IL23R: variants seen among roughly 807,000 people sequenced by gnomAD.
The protein encoded by IL23R is interleukin-23 receptor.
A neutral mutation model predicts 56.9 loss-of-function variants in IL23R; 34 were observed. The ratio of observed to expected loss-of-function variants is 0.60; its 90% CI spans 0.45 to 0.80. The LOEUF (loss-of-function observed/expected upper bound fraction) is 0.80. Among genes scored for constraint, IL23R ranks in the 30% least tolerant of loss-of-function variants. IL23R has a pLI of 0.00. For missense variants in IL23R, 635 were observed against 730.0 expected (o/e 0.87, Z 1.50); for synonymous variants, 230 against 249.2 (o/e 0.92, Z 0.73).
At chr1:67,153,201 T>C (rs894717476) in intron 1 of IL23R, among the ~76,000 whole-genome samples, 1 of 152,204 alleles carries the variant, frequency 6.6e-6, no homozygotes, top group African/African-American at 2.4e-5. Flanking sequence ...AAGAAATGTA[T>C]CCATTTCTTC....
At chr1:67,166,147 C>A (rs1646871600), upstream of IL23R, among the ~76,000 whole-genome samples, 1 of 152,046 alleles carries the variant, frequency 6.6e-6, no homozygotes, top group African/African-American at 2.4e-5. Flanking sequence ...TAATTAATAA[C>A]AATGCTGGTT....
At chr1:67,165,292 T>C (rs1189129735), upstream of IL23R, among the ~76,000 whole-genome samples, 1 of 152,092 alleles carries the variant, frequency 6.6e-6, no homozygotes, top group Non-Finnish European at 1.5e-5. Flanking sequence ...GTGCCTATGA[T>C]AAAAAGACAA....
At chr1:67,149,741 C>A (rs1479466919) in intron 1 of IL23R, among the ~76,000 whole-genome samples, 1 of 151,996 alleles carries the variant, frequency 6.6e-6, no homozygotes, top group Non-Finnish European at 1.5e-5. Context: ...AAATTAAATC[C>A]GTAAGTTGAA....
intron 3 of IL23R, among the ~76,000 whole-genome samples, chr1:67,175,159 T>C (rs1444723205): frequency 2.6e-5 from 4 of 151,962 alleles, no homozygotes; most frequent in Admixed American, 6.6e-5. Flanking sequence ...GGGATGTCAG[T>C]TCTCAAGAGG....
intron 7 of IL23R, among the ~76,000 whole-genome samples, chr1:67,224,854 G>A (rs1005811675): frequency 1.3e-5 from 2 of 152,192 alleles, no homozygotes; most frequent in African/African-American, 4.8e-5. Flanking sequence ...TTTATTGGAT[G>A]CTTACTAAGT....
chr1:67,190,087 C>T (rs759937366), intron 4 of IL23R, among the ~76,000 whole-genome samples: 32 of 152,154 alleles, frequency 2.1e-4, no homozygotes, highest in Non-Finnish European at 2.5e-4. Flanking sequence ...AGGGTATTTT[C>T]CACATTGGTA....
At chr1:67,219,228 T>A (rs1431906237) in intron 6 of IL23R, among the ~76,000 whole-genome samples, 1 of 151,742 alleles carries the variant, frequency 6.6e-6, no homozygotes, top group Non-Finnish European at 1.5e-5. Flanking sequence ...AGTAGCCAGG[T>A]GTTGTAGTGC....
At chr1:67,238,230 C>T (rs1259770317) in intron 8 of IL23R, among the ~76,000 whole-genome samples, 1 of 151,704 alleles carries the variant, frequency 6.6e-6, no homozygotes, top group Non-Finnish European at 1.5e-5. Context: ...TACCTGTAGT[C>T]CCAGCTACTT....
In IL23R at chr1:67,248,976, C is replaced by T. The variant is rs546189523; in HGVS notation, c.1149-6861C>T. Among the ~76,000 whole-genome samples the T allele has an allele frequency of 4.6e-5, 7 of 152,258 alleles. No homozygotes were observed. The South Asian group carries it at 6.2e-4, about 14-fold the overall frequency. On this transcript the variant is annotated intron_variant, in intron 9 of 10. Coordinates refer to ENST00000347310, the MANE Select transcript of IL23R (RefSeq NM_144701.3). ...CGATGCCCCACCCTGCTTCAGCCCC[C>T]CCTCCATGAGCTGTACCCACTATCC...
At chr1:67,146,873 C>T (rs769969309) in intron 1 of IL23R, among the ~76,000 whole-genome samples, 3 of 152,186 alleles carry the variant, frequency 2.0e-5, no homozygotes, top group African/African-American at 4.8e-5. Context: ...AGAAATTGCT[C>T]TTCCCCCTTT....
intron 9 of IL23R, among the ~76,000 whole-genome samples, chr1:67,251,003 C>A (rs1652570283): frequency 1.7e-4 from 26 of 152,156 alleles, no homozygotes; most frequent in Admixed American, 1.7e-3. Context: ...ATCAGTGGCA[C>A]CTTCTTTATT....
At chr1:67,167,114 G>T (rs1223567478) in intron 1 of IL23R, among the ~76,000 whole-genome samples, 1 of 152,068 alleles carries the variant, frequency 6.6e-6, no homozygotes, top group East Asian at 1.9e-4. Flanking sequence ...TTTTTTAGGG[G>T]GTGCGGGGGA....
intron 5 of IL23R, among the ~76,000 whole-genome samples, chr1:67,202,742 T>G (rs1369725974): frequency 1.3e-5 from 2 of 152,158 alleles, no homozygotes; most frequent in Non-Finnish European, 2.9e-5. Flanking sequence ...CTGGCTAATT[T>G]TTTTAAATCT....
intron 10 of IL23R, 48 bp downstream of exon 10, chr1:67,255,975 A>G: frequency 2.0e-6 from 2 of 983,774 alleles, no homozygotes; most frequent in Non-Finnish European, 3.3e-6. Flanking sequence ...TGAGACCAAG[A>G]GTGCAGTCTA....
intron 9 of IL23R, among the ~76,000 whole-genome samples, chr1:67,247,306 C>CT (rs754056239): frequency 0.042 from 5,858 of 139,704 alleles, 162 homozygotes; most frequent in Non-Finnish European, 0.063. Flanking sequence ...AGCCCATTTA[C>CT]TTTTTTTTTT....
intron 1 of IL23R, among the ~76,000 whole-genome samples, chr1:67,144,922 T>G (rs1646666758): frequency 6.6e-6 from 1 of 152,212 alleles, no homozygotes; most frequent in Non-Finnish European, 1.5e-5. Flanking sequence ...ACATCTCCAC[T>G]GGGGGTCCCA....
intron 1 of IL23R, among the ~76,000 whole-genome samples, chr1:67,147,875 C>T (rs1409921774): frequency 6.6e-6 from 1 of 152,086 alleles, no homozygotes; most frequent in Non-Finnish European, 1.5e-5. Context: ...TTGTTACTGG[C>T]GGGTCTTTGT....
intron 9 of IL23R, among the ~76,000 whole-genome samples, chr1:67,250,238 T>G (rs934173652): frequency 1.3e-5 from 2 of 152,224 alleles, no homozygotes; most frequent in African/African-American, 4.8e-5. Flanking sequence ...TTTTGGTGCC[T>G]AAATTTCCTT....
At chr1:67,228,056 TCTTTCTCTGTCTCTC>T (rs1650810847) in intron 7 of IL23R, among the ~76,000 whole-genome samples, 2 of 107,972 alleles carry the variant, frequency 1.9e-5, no homozygotes, top group African/African-American at 4.0e-5. Flanking sequence ...TTTCTTTCTT[TCTTTCTCTGTCTCTC>T]TCTTTCTTTC....
Sources: allele counts gnomAD v4.1 joint callset (sites outside exome capture counted in the v4.1 genomes callset), GRCh38; gene constraint gnomAD v4.1.1; transcripts MANE v1.5; gene names NCBI Gene and HGNC (gene_info 2026-07-23, HGNC 2026-07-21).